Variants in USP9Y observed in about 807,000 individuals in gnomAD.
USP9Y encodes the protein ubiquitin carboxyl-terminal hydrolase 9Y.
In USP9Y, 41 loss-of-function variants were observed where a neutral mutation model predicts 53.1. The observed-to-expected ratio is 0.77, with a 90% CI of 0.60 to 1.00. USP9Y has a LOEUF of 1.00. Ranked by LOEUF, USP9Y falls within the 50% of genes least tolerant of loss-of-function variation. The pLI is 0.00. For synonymous variants in USP9Y, 220 were observed against 173.7 expected (o/e 1.27, Z -2.09); for missense variants, 567 against 535.8 (o/e 1.06, Z -0.58).
chrY:12,786,214 G>A lies in USP9Y; in HGVS notation c.3163G>A (p.Val1055Ile), dbSNP rs1237858872. 2.5e-6 allele frequency: 1 copy of A among 398,408 alleles called. No individual in the cohort carries two copies. Among genetic ancestry groups the A allele is most frequent in the Admixed American group, 7.4e-5 (1 of 13,507 alleles). The change falls in exon 23 of 46, where the codon GTA becomes ATA. Residue 1055 changes from valine (V) to isoleucine (I), a missense_variant. By Grantham distance (29) the Val-to-Ile change is conservative. Coordinates refer to ENST00000338981, the MANE Select transcript of USP9Y (RefSeq NM_004654.4). ...MKLMPPDRTA[V>I]EKLRAVCLDH... is the part of the protein sequence containing the mutation. ...TTTTTCCTTTGCAGATAGAACAGCT[G>A]TAGAAAAATTACGAGCTGTTTGTTT...
intron 39 of USP9Y, among the ~76,000 whole-genome samples, chrY:12,845,694 C>G: frequency 3.1e-5 from 1 of 32,450 alleles, no homozygotes; most frequent in Non-Finnish European, 7.6e-5. Context: ...TTTTATTTAT[C>G]TATTTTATTT....
chrY:12,738,111 A>T, intron 10 of USP9Y, 46 bp from the exon 11 acceptor site: 1 of 347,200 alleles, frequency 2.9e-6, no homozygotes, highest in Non-Finnish European at 4.0e-6. Flanking sequence ...GCTTTTTAAA[A>T]AAATTTCTTT....
intron 10 of USP9Y, among the ~76,000 whole-genome samples, chrY:12,737,297 TAATGAA>T (rs2053452698): frequency 3.0e-5 from 1 of 33,661 alleles, no homozygotes. Flanking sequence ...TTTTGACAGG[TAATGAA>T]ACTGTTTACC....
chrY:12,757,060 G>A, intron 12 of USP9Y, 132 bp from the exon 13 acceptor site: 3 of 177,716 alleles, frequency 1.7e-5, no homozygotes, highest in South Asian at 1.3e-4. Flanking sequence ...TGCTCTTGGG[G>A]TGTGTGTGTG....
At chrY:12,722,383 C>T (rs777090514) in intron 5 of USP9Y, among the ~76,000 whole-genome samples, 196 bp downstream of exon 5, 5 of 30,817 alleles carry the variant, frequency 1.6e-4, no homozygotes, top group Admixed American at 6.2e-4. Flanking sequence ...CACACACACA[C>T]ATATATATAT....
chrY:12,725,101 C>T lies in USP9Y; in HGVS notation c.326-12C>T, dbSNP rs2053440196. ...TTTTTTTTAAACATTCTTTGTTTGG[C>T]TCGTTTTTTAGGCCTTGATGTTAAA... On this transcript the variant is annotated splice_polypyrimidine_tract_variant and intron_variant, in intron 5 of 45. Transcript: ENST00000338981. The T allele has an allele frequency of 2.6e-6, 1 of 379,661 alleles. No individual in the cohort carries two copies. The allele number at this position is 379,661 out of a possible 400,897, so 94.7% of individuals were successfully genotyped here.
chrY:12,838,452 G>T, intron 35 of USP9Y, among the ~76,000 whole-genome samples: 1 of 33,183 alleles, frequency 3.0e-5, no homozygotes, highest in Non-Finnish European at 7.4e-5. Context: ...TCACAACCAC[G>T]TGTAGTTTCA....
chrY:12,793,178 CTTA>C lies in USP9Y; in HGVS notation c.3966_3968del (p.Leu1323del). 1 of 397,900 alleles carries C rather than the reference CTTA, an allele frequency of 2.5e-6. No homozygotes were observed. The highest frequency in any genetic ancestry group is 3.5e-6 in the Non-Finnish European group (1 of 283,000). On this transcript the variant is annotated inframe_deletion, in exon 27 of 46. Coordinates refer to ENST00000338981, the MANE Select transcript of USP9Y (RefSeq NM_004654.4). ...AAGCCTGGCAGACCTTCATCATTGA[CTTA>C]TTATTGCACTGTCCAAGCAAGTATG...
chrY:12,797,887 C>T (rs2053515183), intron 27 of USP9Y, among the ~76,000 whole-genome samples: 1 of 33,470 alleles, frequency 3.0e-5, no homozygotes, highest in Non-Finnish European at 7.4e-5. Flanking sequence ...TAGGGAATGA[C>T]TCCCCAGACC....
At chrY:12,806,377 A>C in intron 27 of USP9Y, among the ~76,000 whole-genome samples, 2 of 33,615 alleles carry the variant, frequency 5.9e-5, no homozygotes, top group Non-Finnish European at 1.5e-4. Flanking sequence ...ATCTGTACAC[A>C]GTGTCCATTA....
chrY:12,844,200 A>G (rs758245157), intron 39 of USP9Y, among the ~76,000 whole-genome samples: 1 of 33,356 alleles, frequency 3.0e-5, no homozygotes, highest in South Asian at 6.6e-4. Flanking sequence ...CTAAATTAGC[A>G]CATACACTTT....
chrY:12,765,885 T>C (rs2053479697), intron 15 of USP9Y, among the ~76,000 whole-genome samples: 2 of 33,871 alleles, frequency 5.9e-5, no homozygotes, highest in African/African-American at 2.3e-4. Flanking sequence ...TTGTTTAATG[T>C]CAGTTTGTTT....
At chrY:12,730,146 T>C in intron 7 of USP9Y, among the ~76,000 whole-genome samples, 5 of 32,960 alleles carry the variant, frequency 1.5e-4, no homozygotes, top group African/African-American at 6.0e-4. Context: ...AGTTTCACCA[T>C]GTTGGCCAGT....
intron 7 of USP9Y, among the ~76,000 whole-genome samples, chrY:12,730,845 A>G (rs2053446678): frequency 3.0e-5 from 1 of 33,012 alleles, no homozygotes; most frequent in Non-Finnish European, 7.4e-5. Context: ...TTTTAAATCT[A>G]TTCTGCCAAT....
intron 16 of USP9Y, among the ~76,000 whole-genome samples, chrY:12,771,766 GT>G (rs2053486143): frequency 7.1e-5 from 2 of 28,097 alleles, no homozygotes; most frequent in South Asian, 1.5e-3. Context: ...CATAAAGTCT[GT>G]TTTTTTTTTT....
intron 12 of USP9Y, among the ~76,000 whole-genome samples, chrY:12,752,451 T>G: frequency 3.0e-5 from 1 of 33,154 alleles, no homozygotes; most frequent in Admixed American, 2.8e-4. Flanking sequence ...CGTGTTAAAG[T>G]CCATGAGGCT....
chrY:12,854,596 G>A, intron 42 of USP9Y, among the ~76,000 whole-genome samples: 1 of 32,838 alleles, frequency 3.0e-5, no homozygotes. Flanking sequence ...TAGAGACGGG[G>A]TTTCACCATG....
At chrY:12,833,349 G>T (rs1018695334) in intron 33 of USP9Y, among the ~76,000 whole-genome samples, 1 of 33,683 alleles carries the variant, frequency 3.0e-5, no homozygotes, top group African/African-American at 1.2e-4. Flanking sequence ...AAGTTTTAAC[G>T]CAGTAGTTAT....
At chrY:12,790,340 T>C (rs2053506357) in intron 24 of USP9Y, 67 bp from the exon 25 acceptor site, 1 of 360,196 alleles carries the variant, frequency 2.8e-6, no homozygotes, top group East Asian at 9.9e-5. Flanking sequence ...TTTTTTAATG[T>C]AAAAATTTTA....
Sources: allele counts gnomAD v4.1 joint callset (sites outside exome capture counted in the v4.1 genomes callset), GRCh38; gene constraint gnomAD v4.1.1; transcripts MANE v1.5; gene names NCBI Gene and HGNC (gene_info 2026-07-23, HGNC 2026-07-21).